Variants in SELENOI observed in about 807,000 individuals in gnomAD.
The protein encoded by SELENOI is ethanolaminephosphotransferase 1.
SELENOI carries 24 observed loss-of-function variants against 50.7 expected under a neutral mutation model. That is an observed-to-expected ratio of 0.47 (90% CI 0.34 to 0.67). SELENOI has a LOEUF of 0.67. SELENOI is among the 30% of genes least tolerant of loss of function. SELENOI has a pLI of 0.01. For missense variants in SELENOI, 352 were observed against 461.4 expected (o/e 0.76, Z 2.17); for synonymous variants, 155 against 170.2 (o/e 0.91, Z 0.70).
chr2:26,354,051 A>G (rs1029576338), intron 1 of SELENOI, among the ~76,000 whole-genome samples: 1 of 152,302 alleles, frequency 6.6e-6, no homozygotes, highest in East Asian at 1.9e-4. Flanking sequence ...GAGGGAAAGC[A>G]TTATCATCAT....
chr2:26,373,686 T>C, intron 5 of SELENOI, 57 bp downstream of exon 5: 1 of 1,539,902 alleles, frequency 6.5e-7, no homozygotes, highest in Non-Finnish European at 8.8e-7. Flanking sequence ...TTGGAAAGCT[T>C]TTGTCATTGC....
intron 6 of SELENOI, among the ~76,000 whole-genome samples, chr2:26,381,320 C>G (rs145479125): frequency 1.1e-4 from 16 of 143,808 alleles, no homozygotes; most frequent in African/African-American, 3.8e-4. Flanking sequence ...AGCGGGTCTA[C>G]ATATATATGG....
intron 6 of SELENOI, among the ~76,000 whole-genome samples, chr2:26,379,925 C>T (rs1464769807): frequency 3.9e-5 from 6 of 152,146 alleles, no homozygotes; most frequent in African/African-American, 1.2e-4. Flanking sequence ...TCTCCGAATA[C>T]AGTACCTAAA....
rs7585892 is a variant in SELENOI, at chr2:26,386,601, G to A, written c.1095+65G>A. ...ATAAATGGCACCAATAAATGCCTCC[G>A]AGTAGAAAGGAGGCAATGGAAAATT... is the stretch of plus-strand genomic sequence containing the variant. On this transcript the variant is annotated intron_variant, in intron 9 of 9. Transcript: ENST00000260585. The A allele has an allele frequency of 0.34, 446,932 of 1,326,334 alleles. 77,445 individuals are homozygous for A. The highest frequency in any genetic ancestry group is 0.36 in the Non-Finnish European group (355,353 of 1,000,430). The allele number at this position is 1,326,334 out of a possible 1,614,324, so 82.2% of individuals were successfully genotyped here.
chr2:26,376,788 G>T (rs1183515210), intron 6 of SELENOI, among the ~76,000 whole-genome samples: 1 of 151,990 alleles, frequency 6.6e-6, no homozygotes, highest in Non-Finnish European at 1.5e-5. Flanking sequence ...TTTTACTTAC[G>T]TGAAAGTGTA....
intron 6 of SELENOI, among the ~76,000 whole-genome samples, chr2:26,379,486 T>G (rs915427829): frequency 1.3e-5 from 2 of 151,972 alleles, no homozygotes; most frequent in Non-Finnish European, 2.9e-5. Flanking sequence ...GGTTTAATTT[T>G]GGGGGTTGGG....
At chr2:26,377,632 A>G (rs952508444) in intron 6 of SELENOI, among the ~76,000 whole-genome samples, 1 of 146,284 alleles carries the variant, frequency 6.8e-6, no homozygotes, top group Admixed American at 6.9e-5. Context: ...ACCCTGTCTC[A>G]AAAAAAAAAA....
intron 3 of SELENOI, among the ~76,000 whole-genome samples, chr2:26,365,997 C>T (rs192511965): frequency 4.6e-4 from 70 of 152,160 alleles, no homozygotes; most frequent in African/African-American, 1.5e-3. Context: ...AGCAGGGTTT[C>T]ACCATGTTGG....
At chr2:26,373,227 T>G (rs1158172764) in intron 4 of SELENOI, 140 bp from the exon 5 acceptor site, 7 of 1,038,062 alleles carry the variant, frequency 6.7e-6, no homozygotes, top group Non-Finnish European at 8.3e-6. Flanking sequence ...AATTAGATTT[T>G]TATAGTACCA....
intron 1 of SELENOI, among the ~76,000 whole-genome samples, chr2:26,359,113 G>A (rs1258679808): frequency 1.3e-5 from 2 of 152,136 alleles, no homozygotes; most frequent in Non-Finnish European, 2.9e-5. Context: ...TTCTGTGACT[G>A]CTTTCCTGTT....
chr2:26,350,562 G>A (rs979578623), intron 1 of SELENOI, among the ~76,000 whole-genome samples: 8 of 152,104 alleles, frequency 5.3e-5, no homozygotes, highest in African/African-American at 1.9e-4. Context: ...ATTTATTGAG[G>A]GTCTACTCAG....
chr2:26,356,096 T>G (rs967831858), intron 1 of SELENOI, among the ~76,000 whole-genome samples: 3 of 152,230 alleles, frequency 2.0e-5, no homozygotes, highest in African/African-American at 4.8e-5. Context: ...ATTAAAAAAC[T>G]TTTTATTTCT....
chr2:26,393,796 T>C lies in SELENOI; in HGVS notation c.*4693T>C, dbSNP rs894485925. 1 of 152,208 alleles carries C rather than the reference T, an allele frequency of 6.6e-6. No individual in the cohort carries two copies. The highest frequency in any genetic ancestry group is 2.4e-5 in the African/African-American group (1 of 41,464). The allele number at this position is 152,208 out of a possible 1,614,324, so 9.4% of individuals were successfully genotyped here. A position where few individuals can be genotyped will look rare whatever the true frequency, so the allele number is the denominator to read the frequency against. On this transcript the variant is annotated 3_prime_UTR_variant, in exon 10 of 10. Coordinates refer to ENST00000260585, the MANE Select transcript of SELENOI (RefSeq NM_033505.4). ...GCAGACTGCTCTTCAGCAGCACATA[T>C]ACTGCAACTGAAGTTAGAGACAGTA...
chr2:26,367,958 T>C (rs190685717), intron 4 of SELENOI, among the ~76,000 whole-genome samples: 65 of 152,360 alleles, frequency 4.3e-4, no homozygotes, highest in African/African-American at 2.4e-5. Flanking sequence ...TTGTTATCTC[T>C]CTTTTCTAAC....
rs546114332 is a variant in SELENOI at position 26,378,160 on chromosome 2, G to A, written c.682+3012G>A. Among the ~76,000 whole-genome samples the A allele has an allele frequency of 8.5e-5, 13 of 152,156 alleles. 1 individual carries two copies. In the South Asian group the frequency reaches 1.5e-3, roughly 17 times the overall value. Reference sequence around the variant, plus strand: ...GCAAAGTCGATACTGAGATTTTGGCGCTCACCTCTCTATGATTTTTTTGCT... The same window carrying A: ...GCAAAGTCGATACTGAGATTTTGGCACTCACCTCTCTATGATTTTTTTGCT... On this transcript the variant is annotated intron_variant, in intron 6 of 9. Coordinates refer to ENST00000260585, the MANE Select transcript of SELENOI (RefSeq NM_033505.4).
chr2:26,382,831 A>C (rs1437105037), intron 6 of SELENOI, among the ~76,000 whole-genome samples: 1 of 152,146 alleles, frequency 6.6e-6, no homozygotes, highest in Non-Finnish European at 1.5e-5. Flanking sequence ...TCCATAAAAA[A>C]AAAAAAGCTA....
chr2:26,387,761 T>C (rs2147964309), intron 9 of SELENOI, among the ~76,000 whole-genome samples: 1 of 152,266 alleles, frequency 6.6e-6, no homozygotes, highest in Admixed American at 6.5e-5. Context: ...CGAATATTTT[T>C]GTTTCATTTG....
chr2:26,348,134 C>A (rs988151234), intron 1 of SELENOI, among the ~76,000 whole-genome samples: 1 of 152,172 alleles, frequency 6.6e-6, no homozygotes, highest in Non-Finnish European at 1.5e-5. Flanking sequence ...AAGGAAAAAT[C>A]CATGGGATCA....
At chr2:26,346,643 GTT>G (rs1368764453) in intron 1 of SELENOI, 3 of 178,088 alleles carry the variant, frequency 1.7e-5, no homozygotes, top group Non-Finnish European at 2.4e-5. Flanking sequence ...TTTTAGTGAA[GTT>G]TCCACTCGCC....
Sources: gnomAD v4.1 joint callset for allele counts (sites outside exome capture counted in the v4.1 genomes callset) on GRCh38, gnomAD v4.1.1 for gene constraint, MANE v1.5 for transcripts, NCBI Gene and HGNC (gene_info 2026-07-23, HGNC 2026-07-21) for gene names.